Variants in LMO2 observed in about 807,000 individuals in gnomAD.
LMO2 encodes LIM domain only 2, also known as rhombotin-2.
Under a neutral mutation model 23.2 loss-of-function variants are expected in LMO2, and 20 were observed. The ratio of observed to expected loss-of-function variants is 0.86; its 90% confidence interval spans 0.61 to 1.25. The LOEUF is 1.25. LMO2 is among the 50% of genes most tolerant of loss of function. LMO2 has a pLI of 0.00. For missense variants in LMO2, 270 were observed against 315.3 expected (o/e 0.86, Z 1.09); for synonymous variants, 123 against 130.2 (o/e 0.94, Z 0.38).
At position 33,869,329 on chromosome 11, in the gene LMO2, A is replaced by C; in HGVS notation, c.248+17T>G. 9.0e-7 allele frequency: 1 copy of C among 1,114,432 alleles called. No individual in the cohort carries two copies. The allele number at this position is 1,114,432 out of a possible 1,614,324, so 69.0% of individuals were successfully genotyped here. The stretch of plus-strand genomic sequence containing the variant: ...CGTGGACACCGGGGGTGGCAGGGGC[A>C]GGGGGGCCGCACTTACTCTGAAGGG... On this transcript the variant is annotated intron_variant, in intron 4 of 5. Transcript: ENST00000257818.
intron 5 of LMO2, among the ~76,000 whole-genome samples, chr11:33,863,162 A>G (rs1856646760): frequency 6.6e-6 from 1 of 152,136 alleles, no homozygotes; most frequent in Admixed American, 6.5e-5. Flanking sequence ...CTGCCCTCTC[A>G]CTGACTTGGC....
intron 1 of LMO2, among the ~76,000 whole-genome samples, chr11:33,884,818 A>G (rs1365584397): frequency 2.1e-4 from 32 of 152,242 alleles, no homozygotes; most frequent in Non-Finnish European, 3.7e-4. Context: ...CCTTCTGGGA[A>G]GCTGGCATAT....
intron 5 of LMO2, among the ~76,000 whole-genome samples, chr11:33,860,656 A>G (rs1856537672): frequency 6.6e-6 from 1 of 152,030 alleles, no homozygotes; most frequent in Non-Finnish European, 1.5e-5. Flanking sequence ...CTCAGCTATT[A>G]ATACTTGGGA....
Position 33,864,910 on chromosome 11 carries a change from C to CGTGA in LMO2, c.249-94_249-93insTCAC. 1 of 1,122,120 alleles carries CGTGA rather than the reference C, an allele frequency of 8.9e-7. No individual in the cohort carries two copies. Among genetic ancestry groups the CGTGA allele is most frequent in the Admixed American group, 1.8e-5 (1 of 57,014 alleles). 69.5% of individuals were successfully genotyped at this position (1,122,120 alleles called of 1,614,324 possible). On this transcript the variant is annotated intron_variant, in intron 4 of 5. Coordinates refer to ENST00000257818, the MANE Select transcript of LMO2 (RefSeq NM_005574.4). The surrounding 1 kb of genome is among the most constrained non-coding windows in gnomAD (Gnocchi z 4.8). ...GTTTTGGGCCAGACAGGGCATCTCA[C>CGTGA]CTGACTGCCTTTCAGTGACCTAAGG...
intron 1 of LMO2, among the ~76,000 whole-genome samples, chr11:33,882,660 G>T (rs4756075): frequency 0.75 from 114,267 of 152,184 alleles, 43,034 homozygotes; most frequent in South Asian, 0.84. Context: ...ACCTAATTGT[G>T]GCAAACAATG....
At position 33,869,503 on chromosome 11, in the gene LMO2, C is replaced by T. The variant is rs891057790; in HGVS notation, c.91G>A (p.Asp31Asn). 3.5e-5 allele frequency: 42 copies of T among 1,204,742 alleles called. No homozygotes were observed. In the African/African-American group the frequency reaches 6.2e-4, roughly 18 times the overall value. The allele number at this position is 1,204,742 out of a possible 1,614,324, so 74.6% of individuals were successfully genotyped here. ...CGGGCGCCGCCGCCGCCGCCGCCGT[C>T]GCCGCCGCTCCTGCGCCTCCGCTTG... The part of the protein sequence containing the change: ...RSKRRRRSGG[D>N]GGGGGGARAP... Residue 31 changes from aspartate to asparagine, a missense_variant, in exon 4 of 6, where the codon GAC becomes AAC. Around this residue, in one of 2 missense-constraint regions of LMO2, gnomAD observed 170 missense variants for 162.0 expected, o/e 1.05. Coordinates refer to ENST00000257818, the MANE Select transcript of LMO2 (RefSeq NM_005574.4).
intron 2 of LMO2, among the ~76,000 whole-genome samples, chr11:33,873,282 G>A (rs1857068122): frequency 6.6e-6 from 1 of 152,108 alleles, no homozygotes; most frequent in Admixed American, 6.5e-5. Flanking sequence ...CTTTGGGTCA[G>A]TTTCTTATCT....
intron 5 of LMO2, among the ~76,000 whole-genome samples, chr11:33,863,088 T>G (rs1856643932): frequency 6.6e-6 from 1 of 152,138 alleles, no homozygotes; most frequent in Non-Finnish European, 1.5e-5. Context: ...TGCACTTCAG[T>G]TAATAAGATT....
At position 33,869,481 on chromosome 11, in the gene LMO2, GCGCCGCCGC is replaced by G. The variant is rs780680772; in HGVS notation, c.104_112del (p.Gly35_Gly37del). 56 of 1,206,586 alleles carry G rather than the reference GCGCCGCCGC, an allele frequency of 4.6e-5. 1 individual carries two copies. The highest frequency in any genetic ancestry group is 1.2e-4 in the East Asian group (3 of 26,002). The allele number at this position is 1,206,586 out of a possible 1,614,324, so 74.7% of individuals were successfully genotyped here. ...GGCTCGGACCCCCTCGGGTGCTCGGGCGCCGCCGCCGCCGCCGCCGTCGCCGCCGCTCCT... is the reference window on the plus strand; with the variant it reads ...GGCTCGGACCCCCTCGGGTGCTCGGGCGCCGCCGCCGTCGCCGCCGCTCCT... On this transcript the variant is annotated inframe_deletion, in exon 4 of 6. Coordinates refer to ENST00000257818, the MANE Select transcript of LMO2 (RefSeq NM_005574.4).
At chr11:33,882,318 G>T (rs1857303313) in intron 1 of LMO2, among the ~76,000 whole-genome samples, 1 of 152,238 alleles carries the variant, frequency 6.6e-6, no homozygotes, top group Non-Finnish European at 1.5e-5. Context: ...AACTGTTTGT[G>T]TCTCACGCTT....
At chr11:33,887,252 G>A (rs1167355891) in intron 1 of LMO2, among the ~76,000 whole-genome samples, 7 of 152,316 alleles carry the variant, frequency 4.6e-5, no homozygotes, top group South Asian at 2.1e-4. Context: ...TGGAGTTTGC[G>A]GTAGCCTGGT....
In LMO2 at chr11:33,891,852, G is replaced by A. The variant is rs543174094; in HGVS notation, c.-393C>T. ...ATCAGATCTAGGCTGCCTGCCCCAC[G>A]GATACCTTCTGGGCTAATTGCCTGC... is the stretch of plus-strand genomic sequence containing the variant. On this transcript the variant is annotated 5_prime_UTR_variant, in exon 1 of 6. Coordinates refer to ENST00000257818, the MANE Select transcript of LMO2 (RefSeq NM_005574.4). 3.9e-5 allele frequency: 6 copies of A among 152,192 alleles called. No homozygotes were observed. The highest frequency in any genetic ancestry group is 1.2e-4 in the African/African-American group (5 of 41,502). 9.4% of individuals were successfully genotyped at this position (152,192 alleles called of 1,614,324 possible).
Position 33,869,550 on chromosome 11 carries a change from C to G in LMO2, c.44G>C (p.Ser15Thr). The change falls in exon 4 of 6, where the codon AGC becomes ACC. Residue 15 changes from serine (S) to threonine (T), a missense_variant. Physicochemically the swap from Ser to Thr is moderately conservative, Grantham distance 58 (BLOSUM62 1). This residue lies in a region of LMO2 where 170 missense variants were observed against 162.0 expected (regional missense o/e 1.05). Transcript: ENST00000257818. The stretch of plus-strand genomic sequence containing the variant: ...CTTGCTCCGGCGCTCCGCCGGCGAG[C>G]TCGCCCCTCCGCGCTCAAGGACAGT... ...AVTVLERGGA[S>T]SPAERRSKRR... 7.8e-7 allele frequency: 1 copy of G among 1,283,900 alleles called. No homozygotes were observed. Among genetic ancestry groups the G allele is most frequent in the Non-Finnish European group, 1.0e-6 (1 of 1,003,218 alleles). The allele number at this position is 1,283,900 out of a possible 1,614,324, so 79.5% of individuals were successfully genotyped here. A position where few individuals can be genotyped will look rare whatever the true frequency, so the allele number is the denominator to read the frequency against.
chr11:33,885,831 C>A (rs1857393174), intron 1 of LMO2, among the ~76,000 whole-genome samples: 1 of 151,222 alleles, frequency 6.6e-6, no homozygotes, highest in East Asian at 1.9e-4. Flanking sequence ...GTTGGCTGGG[C>A]TGTGGTCATC....
At chr11:33,870,016 A>G in intron 2 of LMO2, 29 bp from the exon 3 acceptor site, 2 of 934,746 alleles carry the variant, frequency 2.1e-6, no homozygotes, top group Non-Finnish European at 2.6e-6. Flanking sequence ...CAATAGAAGG[A>G]AATCACATTT....
intron 2 of LMO2, chr11:33,881,261 G>A (rs768023212): frequency 6.6e-6 from 3 of 456,924 alleles, no homozygotes; most frequent in South Asian, 1.5e-5. Flanking sequence ...GCAGAAGGCC[G>A]CCTTGGGTCA....
chr11:33,870,158 C>A (rs1856973880), intron 2 of LMO2, 171 bp from the exon 3 acceptor site: 1 of 270,878 alleles, frequency 3.7e-6, no homozygotes, highest in Non-Finnish European at 5.7e-6. Context: ...TTAAAGGGGC[C>A]AGTGTCGGGG....
intron 1 of LMO2, among the ~76,000 whole-genome samples, 154 bp downstream of exon 1, chr11:33,891,641 G>A (rs906725668): frequency 4.6e-5 from 7 of 152,248 alleles, no homozygotes; most frequent in African/African-American, 7.2e-5. Context: ...CAGAGTGCCC[G>A]GAACACCACA....
chr11:33,867,038 T>C (rs1170462414), intron 4 of LMO2, among the ~76,000 whole-genome samples: 3 of 152,340 alleles, frequency 2.0e-5, no homozygotes, highest in East Asian at 3.9e-4. Context: ...ACATTGGATG[T>C]CCCGATGTTG....
Sources: allele counts gnomAD v4.1 joint callset (sites outside exome capture counted in the v4.1 genomes callset), GRCh38; gene constraint gnomAD v4.1.1; regional missense constraint gnomAD v4.1.1; non-coding constraint Gnocchi (gnomAD v3.1); transcripts MANE v1.5; gene names NCBI Gene and HGNC (gene_info 2026-07-23, HGNC 2026-07-21).